MED13: variants seen among roughly 807,000 people sequenced by gnomAD.
MED13 encodes the protein mediator of RNA polymerase II transcription subunit 13.
Under a neutral mutation model 225.2 loss-of-function variants are expected in MED13, and 23 were observed. The ratio of observed to expected loss-of-function variants is 0.10; its 90% CI spans 0.07 to 0.14. The LOEUF is 0.14. Ranked by LOEUF, MED13 falls within the 10% of genes least tolerant of loss-of-function variation. The pLI, the probability that MED13 is intolerant of heterozygous loss-of-function variation, is 1.00. For synonymous variants in MED13, 942 were observed against 889.2 expected (o/e 1.06, Z -1.06); for missense variants, 2,197 against 2,594.5 (o/e 0.85, Z 3.33).
At chr17:62,007,717 A>G (rs1470394215) in intron 9 of MED13, among the ~76,000 whole-genome samples, 3 of 151,894 alleles carry the variant, frequency 2.0e-5, no homozygotes, top group Admixed American at 6.6e-5. Context: ...GCATGGTGGC[A>G]GGCGCCTGTA....
At chr17:62,051,707 G>C (rs775203925) in intron 3 of MED13, among the ~76,000 whole-genome samples, 123 of 152,244 alleles carry the variant, frequency 8.1e-4, no homozygotes, top group Non-Finnish European at 9.7e-4. Flanking sequence ...ACCTCAAAAT[G>C]ATTACAATCT....
chr17:62,033,906 A>G lies in MED13; in HGVS notation c.695T>C (p.Leu232Ser). The change falls in exon 5 of 30, where the codon TTA becomes TCA. Residue 232 changes from leucine to serine, a missense_variant. Physicochemically the swap from Leu to Ser is moderately radical, Grantham distance 145. Coordinates refer to ENST00000397786, the MANE Select transcript of MED13 (RefSeq NM_005121.3). ...ATAGAACTGTTTCCATTCACCAATT[A>G]ATTTTTTTGTAGCTGAATCAGACAT... is the stretch of plus-strand genomic sequence containing the variant. ...FKMSDSATKK[L>S]IGEWKQFYPI... 6.2e-7 allele frequency: 1 copy of G among 1,614,080 alleles called. No individual in the cohort carries two copies. Among genetic ancestry groups the G allele is most frequent in the Non-Finnish European group, 8.5e-7 (1 of 1,180,004 alleles).
chr17:61,999,901 TA>T (rs548869007), intron 9 of MED13, among the ~76,000 whole-genome samples: 47 of 150,546 alleles, frequency 3.1e-4, no homozygotes, highest in African/African-American at 1.1e-3. Flanking sequence ...AAATCCTGGC[TA>T]AAAAAAAATG....
At chr17:62,019,310 T>C (rs1372671958) in intron 8 of MED13, among the ~76,000 whole-genome samples, 1 of 152,244 alleles carries the variant, frequency 6.6e-6, no homozygotes, top group Non-Finnish European at 1.5e-5. Context: ...ATATAGTGGA[T>C]GTCTATTTTA....
intron 8 of MED13, among the ~76,000 whole-genome samples, chr17:62,028,380 T>C (rs2080722336): frequency 6.6e-6 from 1 of 152,062 alleles, no homozygotes; most frequent in Non-Finnish European, 1.5e-5. Flanking sequence ...CAACAGACAC[T>C]GGGGTCTACT....
intron 16 of MED13, among the ~76,000 whole-genome samples, chr17:61,981,667 A>G (rs1436178804): frequency 1.3e-5 from 2 of 152,210 alleles, no homozygotes; most frequent in African/African-American, 4.8e-5. Context: ...TCTCCTCAGT[A>G]GTATCTTATC....
chr17:61,983,767 T>C (rs1308111285), intron 15 of MED13, among the ~76,000 whole-genome samples: 1 of 151,596 alleles, frequency 6.6e-6, no homozygotes, highest in Non-Finnish European at 1.5e-5. Flanking sequence ...GTCTCACTCT[T>C]GCCCAGGCTG....
At chr17:62,041,929 A>G (rs1212511897) in intron 3 of MED13, among the ~76,000 whole-genome samples, 1 of 152,140 alleles carries the variant, frequency 6.6e-6, no homozygotes, top group Non-Finnish European at 1.5e-5. Flanking sequence ...CCGTGAATTC[A>G]AAAGTTTCCA....
chr17:62,015,959 T>TAC (rs1467468461), intron 8 of MED13, among the ~76,000 whole-genome samples: 1 of 9,376 alleles, frequency 1.1e-4, no homozygotes, highest in Admixed American at 1.9e-3. Flanking sequence ...TATATATTTT[T>TAC]TTTTTTTTTT....
intron 20 of MED13, among the ~76,000 whole-genome samples, chr17:61,964,566 AAAAAAGATACAAACT>A (rs765304412): frequency 3.9e-5 from 6 of 152,170 alleles, no homozygotes; most frequent in Non-Finnish European, 7.3e-5. Context: ...CCTTGTCTTA[AAAAAAGATACAAACT>A]AAAATTTCAA....
chr17:61,998,636 G>A (rs933239089), intron 9 of MED13, among the ~76,000 whole-genome samples: 8 of 123,462 alleles, frequency 6.5e-5, no homozygotes, highest in Admixed American at 6.0e-4. Context: ...AGGTCTTGCT[G>A]TCACCCAGGC....
Position 61,966,543 on chromosome 17 carries a change from A to G in MED13, c.4300T>C (p.Trp1434Arg). 1 of 1,613,986 alleles carries G rather than the reference A, an allele frequency of 6.2e-7. No individual in the cohort carries two copies. The highest frequency in any genetic ancestry group is 8.5e-7 in the Non-Finnish European group (1 of 1,179,884). Residue 1434 changes from tryptophan (W) to arginine (R), a missense_variant, in exon 19 of 30, where the codon TGG becomes CGG. Physicochemically the swap from Trp to Arg is moderately radical, Grantham distance 101 (BLOSUM62 -3). Around this residue, in one of 12 missense-constraint regions of MED13, gnomAD observed 457 missense variants for 442.2 expected, o/e 1.03. Transcript: ENST00000397786. Reference protein sequence around the residue: ...KKLSEKLVAEWFSQAADGNNE... With the variant: ...KKLSEKLVAERFSQAADGNNE... ...TTACCGTCAGCTGCCTGAGAAAACC[A>G]TTCTGCTACCAACTTTTCTGATAGT... is the stretch of plus-strand genomic sequence containing the variant.
intron 28 of MED13, among the ~76,000 whole-genome samples, chr17:61,948,642 T>C (rs556115582): frequency 2.2e-4 from 33 of 151,756 alleles, no homozygotes; most frequent in African/African-American, 7.7e-4. Flanking sequence ...TACTAGTATA[T>C]AGAAAATCCC....
intron 17 of MED13, among the ~76,000 whole-genome samples, chr17:61,971,963 A>G (rs1454070849): frequency 1.3e-5 from 2 of 152,146 alleles, no homozygotes; most frequent in South Asian, 2.1e-4. Flanking sequence ...AAAATAAAAT[A>G]AAATAAAATA....
chr17:61,956,454 T>C lies in MED13; in HGVS notation c.5508A>G (p.Arg1836=), dbSNP rs540771011. The C allele has an allele frequency of 2.5e-6, 4 of 1,612,694 alleles. No homozygotes were observed. In the East Asian group the frequency reaches 6.7e-5, roughly 27 times the overall value. Residue 1836 remains arginine, a synonymous_variant, in exon 24 of 30, where the codon AGA becomes AGG. Transcript: ENST00000397786. ...NRARRKKSSA[R]KFGLQKLWEW... ...CCCAAAGTTTCTGTAGACCAAATTT[T>C]CTAGCAGAACTTTTTTTCCGACGAG...
intron 8 of MED13, among the ~76,000 whole-genome samples, chr17:62,014,089 C>G (rs2080538083): frequency 2.0e-5 from 3 of 151,878 alleles, no homozygotes; most frequent in Admixed American, 1.3e-4. Context: ...ATGAAAGGGT[C>G]AGGCTGATCC....
intron 24 of MED13, 27 bp downstream of exon 24, chr17:61,956,312 T>G: frequency 6.3e-7 from 1 of 1,596,574 alleles, no homozygotes; most frequent in Non-Finnish European, 8.5e-7. Flanking sequence ...AACGGAAATA[T>G]AAATACTAAT....
At chr17:61,958,116 G>A (rs910114534) in intron 23 of MED13, among the ~76,000 whole-genome samples, 3 of 151,858 alleles carry the variant, frequency 2.0e-5, no homozygotes, top group Non-Finnish European at 2.9e-5. Flanking sequence ...CGCCCGCCTC[G>A]GCCTCCCAAA....
intron 9 of MED13, among the ~76,000 whole-genome samples, chr17:61,998,293 C>T (rs1291672303): frequency 6.6e-6 from 1 of 152,084 alleles, no homozygotes; most frequent in Admixed American, 6.5e-5. Context: ...AAGCTAAATA[C>T]AGACAAACTG....
Sources: allele counts gnomAD v4.1 joint callset (sites outside exome capture counted in the v4.1 genomes callset), GRCh38; gene constraint gnomAD v4.1.1; regional missense constraint gnomAD v4.1.1; transcripts MANE v1.5; gene names NCBI Gene and HGNC (gene_info 2026-07-23, HGNC 2026-07-21).